ITM2B: variants seen among roughly 807,000 people sequenced by gnomAD.
ITM2B encodes the protein integral membrane protein 2B.
A neutral mutation model predicts 27.8 loss-of-function variants in ITM2B; 11 were observed. The observed-to-expected ratio is 0.40, with a 90% CI of 0.25 to 0.66. ITM2B has a LOEUF of 0.66. ITM2B is among the 30% of genes least tolerant of loss of function. The probability of loss-of-function intolerance (pLI) is 0.43; values close to 1 mark genes in which losing one functional copy is unlikely to be tolerated. For synonymous variants in ITM2B, 114 were observed against 114.3 expected (o/e 1.00, Z 0.02); for missense variants, 296 against 328.9 (o/e 0.90, Z 0.77).
intron 2 of ITM2B, among the ~76,000 whole-genome samples, chr13:48,255,122 C>G (rs769390015): frequency 7.2e-5 from 11 of 151,802 alleles, no homozygotes; most frequent in Non-Finnish European, 1.5e-4. Context: ...GCGATCCACC[C>G]ACCTTGGCCT....
At chr13:48,256,728 T>A (rs929299287) in intron 3 of ITM2B, among the ~76,000 whole-genome samples, 3 of 152,226 alleles carry the variant, frequency 2.0e-5, no homozygotes, top group African/African-American at 7.2e-5. Context: ...ATTTTGTTAA[T>A]CTGTTTTTAA....
At position 48,264,270 on chromosome 13, in the gene ITM2B, A is replaced by G. The variant is rs563933956; in HGVS notation, c.*3046A>G. 2 of 152,230 alleles carry G rather than the reference A, an allele frequency of 1.3e-5. No individual in the cohort carries two copies. The highest frequency in any genetic ancestry group is 4.8e-5 in the African/African-American group (2 of 41,542). The allele number at this position is 152,230 out of a possible 1,614,324, so 9.4% of individuals were successfully genotyped here. A position where few individuals can be genotyped will look rare whatever the true frequency, so the allele number is the denominator to read the frequency against. On this transcript the variant is annotated 3_prime_UTR_variant, in exon 6 of 6. Transcript: ENST00000647800. Reference sequence around the variant, plus strand: ...AAGCAAACACTGATCTTGTTTTGTAATGTGTAATTGTTCACTTCTGCTTTC... The same window carrying G: ...AAGCAAACACTGATCTTGTTTTGTAGTGTGTAATTGTTCACTTCTGCTTTC...
intron 1 of ITM2B, among the ~76,000 whole-genome samples, chr13:48,241,505 C>G (rs1951699955): frequency 6.6e-6 from 1 of 152,202 alleles, no homozygotes; most frequent in Admixed American, 6.5e-5. Context: ...GCCATAGCAC[C>G]TGGCCCTCCA....
At chr13:48,242,175 A>C (rs912219020) in intron 1 of ITM2B, among the ~76,000 whole-genome samples, 1 of 152,204 alleles carries the variant, frequency 6.6e-6, no homozygotes, top group Non-Finnish European at 1.5e-5. Context: ...TAATTAACAT[A>C]AACATTAGTT....
rs564097416 is a variant in ITM2B, at chr13:48,267,559, G to A, written c.*6335G>A. The A allele has an allele frequency of 1.3e-5, 2 of 152,244 alleles. No individual in the cohort carries two copies. The highest frequency in any genetic ancestry group is 4.1e-4 in the South Asian group (2 of 4,820). 9.4% of individuals were successfully genotyped at this position (152,244 alleles called of 1,614,324 possible). On this transcript the variant is annotated 3_prime_UTR_variant, in exon 6 of 6. Coordinates refer to ENST00000647800, the MANE Select transcript of ITM2B (RefSeq NM_021999.5). ...ATAGAAATGTCTTTGTATAACCATG[G>A]CATGATATTATTCTCTTGACTTTTG...
Position 48,268,618 on chromosome 13 carries a change from A to AT in ITM2B, c.*7400dup, listed in dbSNP as rs1951867134. On this transcript the variant is annotated 3_prime_UTR_variant, in exon 6 of 6. Transcript: ENST00000647800. ...AGGCACTGTGCCCTGCCAGTATTCC[A>AT]TTTTTTGTGTATACCACAATTTATC... is the stretch of plus-strand genomic sequence containing the variant. 1 of 151,988 alleles carries AT rather than the reference A, an allele frequency of 6.6e-6. No homozygotes were observed. The highest frequency in any genetic ancestry group is 1.5e-5 in the Non-Finnish European group (1 of 67,978). The allele number at this position is 151,988 out of a possible 1,614,324, so 9.4% of individuals were successfully genotyped here.
intron 4 of ITM2B, 41 bp downstream of exon 4, chr13:48,258,277 T>C (rs1220864796): frequency 3.0e-6 from 3 of 988,950 alleles, no homozygotes; most frequent in Admixed American, 3.4e-5. Context: ...GATGCCTTCA[T>C]AGTGTTCTGG....
Position 48,266,870 on chromosome 13 carries a change from G to A in ITM2B, c.*5646G>A, listed in dbSNP as rs1951856224. 1 of 152,184 alleles carries A rather than the reference G, an allele frequency of 6.6e-6. No homozygotes were observed. The highest frequency in any genetic ancestry group is 1.9e-4 in the East Asian group (1 of 5,198). The allele number at this position is 152,184 out of a possible 1,614,324, so 9.4% of individuals were successfully genotyped here. A position where few individuals can be genotyped will look rare whatever the true frequency, so the allele number is the denominator to read the frequency against. On this transcript the variant is annotated 3_prime_UTR_variant, in exon 6 of 6. Coordinates refer to ENST00000647800, the MANE Select transcript of ITM2B (RefSeq NM_021999.5). Reference sequence around the variant, plus strand: ...CACAAATGTTTCAAGCCAAGATTATGTCTTCTTCCATAATGCCACCTTCTT... The same window carrying A: ...CACAAATGTTTCAAGCCAAGATTATATCTTCTTCCATAATGCCACCTTCTT...
At chr13:48,247,614 T>G (rs1283136895) in intron 1 of ITM2B, among the ~76,000 whole-genome samples, 1 of 152,214 alleles carries the variant, frequency 6.6e-6, no homozygotes, top group African/African-American at 2.4e-5. Flanking sequence ...AGTTTATAAT[T>G]GAAGCACATT....
intron 1 of ITM2B, among the ~76,000 whole-genome samples, chr13:48,244,650 A>G (rs1344102508): frequency 6.6e-6 from 1 of 152,230 alleles, no homozygotes; most frequent in Non-Finnish European, 1.5e-5. Flanking sequence ...ATATGAATGT[A>G]TAATTATCTT....
intron 1 of ITM2B, among the ~76,000 whole-genome samples, chr13:48,248,223 C>G (rs377664301): frequency 3.6e-4 from 54 of 151,758 alleles, no homozygotes; most frequent in African/African-American, 1.3e-3. Context: ...TGTTGTGCAA[C>G]GTGCCTTTTT....
intron 1 of ITM2B, among the ~76,000 whole-genome samples, chr13:48,251,898 T>C (rs750504968): frequency 5.3e-5 from 8 of 152,222 alleles, no homozygotes; most frequent in Non-Finnish European, 1.2e-4. Flanking sequence ...CATAATACCT[T>C]ATGACTCCAT....
rs1266371245 is a variant in ITM2B, at chr13:48,258,190, T to C, written c.518T>C (p.Ile173Thr). The C allele has an allele frequency of 6.2e-7, 1 of 1,604,502 alleles. No individual in the cohort carries two copies. The highest frequency in any genetic ancestry group is 1.7e-5 in the Admixed American group (1 of 59,994). The change falls in exon 4 of 6, where the codon ATT becomes ACT. Residue 173 changes from isoleucine to threonine, a missense_variant. By Grantham distance (89) the Ile-to-Thr change is moderately conservative. Coordinates refer to ENST00000647800, the MANE Select transcript of ITM2B (RefSeq NM_021999.5). ...TATGTGATCCCTCTGAACACTTCCA[T>C]TGTTATGCCACCCAGAAACCTACTG... ...KCYVIPLNTSIVMPPRNLLEL... is the reference protein window; with the variant it reads ...KCYVIPLNTSTVMPPRNLLEL...
intron 5 of ITM2B, 33 bp from the exon 6 acceptor site, chr13:48,261,106 A>T (rs1233224263): frequency 6.9e-7 from 1 of 1,441,990 alleles, no homozygotes; most frequent in African/African-American, 1.4e-5. Flanking sequence ...TAAAGAATCA[A>T]AATTTTAAAA....
chr13:48,234,262 C>G (rs931064757), intron 1 of ITM2B, among the ~76,000 whole-genome samples: 1 of 152,060 alleles, frequency 6.6e-6, no homozygotes, highest in Non-Finnish European at 1.5e-5. Flanking sequence ...CAAAATCTCC[C>G]TTTAATCCTA....
At chr13:48,235,197 A>G (rs1951660620) in intron 1 of ITM2B, among the ~76,000 whole-genome samples, 1 of 152,224 alleles carries the variant, frequency 6.6e-6, no homozygotes, top group Non-Finnish European at 1.5e-5. Context: ...GCACCATTAA[A>G]TCTGACTTCT....
Position 48,258,826 on chromosome 13 carries a change from G to A in ITM2B, c.594G>A (p.Leu198=). The A allele has an allele frequency of 6.2e-7, 1 of 1,613,770 alleles. No individual in the cohort carries two copies. Among genetic ancestry groups the A allele is most frequent in the South Asian group, 1.1e-5 (1 of 91,056 alleles). The part of the protein sequence containing the change: ...KAGTYLPQSY[L]IHEHMVITDR... ...GAACCTATTTGCCTCAGTCCTATCT[G>A]ATTCATGAGCACATGGTTATTACTG... Residue 198 remains leucine, a synonymous_variant, in exon 5 of 6, where the codon CTG becomes CTA. Transcript: ENST00000647800.
At position 48,261,511 on chromosome 13, in the gene ITM2B, G is replaced by T; in HGVS notation, c.*287G>T. The T allele has an allele frequency of 4.1e-6, 1 of 242,732 alleles. No individual in the cohort carries two copies. The highest frequency in any genetic ancestry group is 8.1e-5 in the South Asian group (1 of 12,358). 15.0% of individuals were successfully genotyped at this position (242,732 alleles called of 1,614,324 possible). On this transcript the variant is annotated 3_prime_UTR_variant, in exon 6 of 6. Transcript: ENST00000647800. ...TACAATTTCTTTAAATCATTTATCT[G>T]GATTTTTATGTTTTATTAGCATTTT...
At chr13:48,243,085 C>T (rs1302710873) in intron 1 of ITM2B, among the ~76,000 whole-genome samples, 1 of 152,084 alleles carries the variant, frequency 6.6e-6, no homozygotes. Context: ...ATCTGAATTA[C>T]CATTAGCATT....
Sources: gnomAD v4.1 joint callset for allele counts (sites outside exome capture counted in the v4.1 genomes callset) on GRCh38, gnomAD v4.1.1 for gene constraint, MANE v1.5 for transcripts, NCBI Gene and HGNC (gene_info 2026-07-23, HGNC 2026-07-21) for gene names.